Variants in KLHL1 observed in about 807,000 individuals in gnomAD.
The protein encoded by KLHL1 is kelch-like protein 1.
A neutral mutation model predicts 77.7 loss-of-function variants in KLHL1; 47 were observed. That is an observed-to-expected ratio of 0.60 (90% CI 0.48 to 0.77). The LOEUF is 0.77. KLHL1 is among the 30% of genes least tolerant of loss of function. The pLI is 0.00. For missense variants in KLHL1, 925 were observed against 910.8 expected (o/e 1.02, Z -0.20); for synonymous variants, 360 against 325.2 (o/e 1.11, Z -1.15).
chr13:69,863,146 T>C (rs943080077), intron 5 of KLHL1, among the ~76,000 whole-genome samples: 1 of 152,150 alleles, frequency 6.6e-6, no homozygotes, highest in Non-Finnish European at 1.5e-5. Context: ...TTCTCAGTAC[T>C]TAGTCTTATG....
intron 4 of KLHL1, among the ~76,000 whole-genome samples, chr13:69,939,378 T>TATATATAC (rs1200160699): frequency 8.8e-4 from 62 of 70,782 alleles, no homozygotes; most frequent in African/African-American, 2.5e-3. Context: ...TATATATATA[T>TATATATAC]ACACACACAC....
chr13:69,740,141 A>G (rs950516673), intron 8 of KLHL1, among the ~76,000 whole-genome samples: 2 of 152,180 alleles, frequency 1.3e-5, no homozygotes, highest in African/African-American at 4.8e-5. Context: ...CTACTCAACT[A>G]TTTATTCAAA....
chr13:70,039,163 G>A (rs1886311863), intron 1 of KLHL1, among the ~76,000 whole-genome samples: 1 of 151,080 alleles, frequency 6.6e-6, no homozygotes, highest in African/African-American at 2.4e-5. Context: ...GAATTCCTAG[G>A]CTTGAAGAGA....
chr13:69,931,390 C>T (rs1225093553), intron 4 of KLHL1, among the ~76,000 whole-genome samples: 1 of 151,566 alleles, frequency 6.6e-6, no homozygotes, highest in Non-Finnish European at 1.5e-5. Context: ...CTGAAGTTTC[C>T]CTATCATCAC....
intron 1 of KLHL1, among the ~76,000 whole-genome samples, chr13:70,059,276 A>G (rs1000574257): frequency 6.6e-5 from 10 of 151,748 alleles, no homozygotes; most frequent in Non-Finnish European, 1.5e-5. Flanking sequence ...GTCCTGGCTC[A>G]GACTCCCAAG....
intron 6 of KLHL1, among the ~76,000 whole-genome samples, chr13:69,805,952 GA>G (rs199917322): frequency 6.6e-6 from 1 of 151,780 alleles, no homozygotes; most frequent in African/African-American, 2.4e-5. Context: ...TGCTCAAGGG[GA>G]AAAAACCCTA....
In KLHL1 at chr13:70,075,588, TACAC is replaced by T. The variant is rs772766804; in HGVS notation, c.497+31611_497+31614del. Among the ~76,000 whole-genome samples the T allele has an allele frequency of 9.7e-3, 1,187 of 121,906 alleles. 20 individuals carry two copies. Among genetic ancestry groups the T allele is most frequent in the Middle Eastern group, 0.021 (3 of 140 alleles). 80.0% of individuals were successfully genotyped at this position (121,906 alleles called of 152,430 possible). On this transcript the variant is annotated intron_variant, in intron 1 of 10. Transcript: ENST00000377844. Reference sequence around the variant, plus strand: ...GTATGTGTATATATATATATATATATACACACACACACATATATATAGGACTTAC... The same window carrying T: ...GTATGTGTATATATATATATATATATACACACACATATATATAGGACTTAC...
intron 5 of KLHL1, among the ~76,000 whole-genome samples, chr13:69,870,250 C>A (rs1275897536): frequency 6.6e-6 from 1 of 152,122 alleles, no homozygotes; most frequent in Non-Finnish European, 1.5e-5. Context: ...GCAGAGATCA[C>A]ACAGCAAGAG....
chr13:70,096,573 T>C (rs1473843286), intron 1 of KLHL1, among the ~76,000 whole-genome samples: 2 of 151,980 alleles, frequency 1.3e-5, no homozygotes, highest in Non-Finnish European at 2.9e-5. Flanking sequence ...GCAGCAGAAG[T>C]TTGTTTTACT....
chr13:69,839,239 T>C, intron 5 of KLHL1, 77 bp from the exon 6 acceptor site: 1 of 1,002,020 alleles, frequency 1.0e-6, no homozygotes, highest in East Asian at 2.5e-5. Context: ...AACTAGAAGT[T>C]TAATGTCTGT....
intron 1 of KLHL1, among the ~76,000 whole-genome samples, chr13:70,072,602 T>C (rs1477329280): frequency 7.9e-5 from 12 of 151,958 alleles, no homozygotes; most frequent in African/African-American, 2.9e-4. Context: ...TGTGGCCAGG[T>C]AGAACCTATC....
intron 1 of KLHL1, among the ~76,000 whole-genome samples, chr13:70,041,490 A>T (rs1453706863): frequency 6.6e-6 from 1 of 151,704 alleles, no homozygotes; most frequent in Admixed American, 6.6e-5. Context: ...AAGGAAAGAG[A>T]CTCTTTGTTA....
intron 8 of KLHL1, among the ~76,000 whole-genome samples, chr13:69,737,172 T>C (rs1418864870): frequency 6.6e-6 from 1 of 152,206 alleles, no homozygotes; most frequent in Non-Finnish European, 1.5e-5. Context: ...CCATGGATCC[T>C]TGCAATCCAC....
chr13:69,927,852 T>A (rs1379374986), intron 4 of KLHL1, among the ~76,000 whole-genome samples: 2 of 152,200 alleles, frequency 1.3e-5, no homozygotes, highest in Non-Finnish European at 2.9e-5. Flanking sequence ...ATGTTAAACA[T>A]GGAGTTATTG....
chr13:69,764,929 C>CTTTTTTTTTTTTTTTTTTT lies in KLHL1; in HGVS notation c.1640-24392_1640-24374dup, dbSNP rs71196263. Among the ~76,000 whole-genome samples the CTTTTTTTTTTTTTTTTTTT allele has an allele frequency of 1.6e-3, 62 of 39,726 alleles. 25 individuals are homozygous for CTTTTTTTTTTTTTTTTTTT. The highest frequency in any genetic ancestry group is 2.5e-3 in the East Asian group (2 of 798). The allele number at this position is 39,726 out of a possible 152,430, so 26.1% of individuals were successfully genotyped here. ...TCTCATGCTTTCATGTATATCTTTG[C>CTTTTTTTTTTTTTTTTTTT]TTTTTTTTTTTTTTTTTTTTTTTTT... On this transcript the variant is annotated intron_variant, in intron 7 of 10. Transcript: ENST00000377844.
intron 4 of KLHL1, among the ~76,000 whole-genome samples, chr13:69,936,701 A>T (rs138228588): frequency 0.018 from 2,786 of 152,160 alleles, 35 homozygotes; most frequent in Middle Eastern, 0.054. Context: ...TCTAAGTTTA[A>T]AAGATATGAA....
intron 6 of KLHL1, among the ~76,000 whole-genome samples, chr13:69,806,284 C>G (rs1877612937): frequency 6.6e-6 from 1 of 152,198 alleles, no homozygotes; most frequent in Non-Finnish European, 1.5e-5. Context: ...CTTCTGTTCT[C>G]TGGGTCCACA....
In KLHL1 at chr13:70,074,123, G is replaced by A. The variant is rs188267955; in HGVS notation, c.497+33080C>T. On this transcript the variant is annotated intron_variant, in intron 1 of 10. Coordinates refer to ENST00000377844, the MANE Select transcript of KLHL1 (RefSeq NM_020866.3). ...ATTACAGGCGTGAGCCACCTTGCCC[G>A]GCACCTTAAGCCTCCGCACCCGGCC... 1.2e-4 allele frequency among the ~76,000 whole-genome samples: 19 copies of A among 152,086 alleles called. No homozygotes were observed. The East Asian group carries it at 2.3e-3, about 19-fold the overall frequency.
intron 3 of KLHL1, among the ~76,000 whole-genome samples, chr13:69,952,693 C>G (rs987780414): frequency 2.0e-5 from 3 of 151,334 alleles, no homozygotes; most frequent in African/African-American, 7.3e-5. Context: ...TTGGATTGCA[C>G]TTAGCATCCT....
Sources: allele counts gnomAD v4.1 joint callset (sites outside exome capture counted in the v4.1 genomes callset), GRCh38; gene constraint gnomAD v4.1.1; transcripts MANE v1.5; gene names NCBI Gene and HGNC (gene_info 2026-07-23, HGNC 2026-07-21).